SND1: variants seen among roughly 807,000 people sequenced by gnomAD.
The protein encoded by SND1 is staphylococcal nuclease and tudor domain containing 1.
In SND1, 38 loss-of-function variants were observed where a neutral mutation model predicts 121.7. The observed-to-expected ratio is 0.31, with a 90% CI of 0.24 to 0.41. SND1 has a LOEUF of 0.41. SND1 is among the 10% of genes least tolerant of loss of function. The probability of loss-of-function intolerance (pLI) is 1.00; values close to 1 mark genes in which losing one functional copy is unlikely to be tolerated. For missense variants in SND1, 868 were observed against 1,184.6 expected (o/e 0.73, Z 3.92); for synonymous variants, 401 against 447.4 (o/e 0.90, Z 1.31).
intron 3 of SND1, among the ~76,000 whole-genome samples, chr7:127,697,759 G>A (rs1796031277): frequency 6.6e-6 from 1 of 152,156 alleles, no homozygotes. Context: ...GCATGATAAT[G>A]GCGAGGCAAT....
intron 15 of SND1, among the ~76,000 whole-genome samples, chr7:127,971,771 ATTTT>A (rs200086577): frequency 1.4e-5 from 2 of 141,078 alleles, no homozygotes; most frequent in Non-Finnish European, 1.6e-5. Flanking sequence ...TGCTGAATTA[ATTTT>A]TTTTTTTTTT....
At chr7:127,717,310 G>C (rs1015932716) in intron 9 of SND1, among the ~76,000 whole-genome samples, 1 of 151,994 alleles carries the variant, frequency 6.6e-6, no homozygotes, top group Non-Finnish European at 1.5e-5. Context: ...ATTGCATTTA[G>C]TTGTCATATC....
chr7:127,881,383 G>A (rs117830246), intron 12 of SND1, among the ~76,000 whole-genome samples: 2,698 of 151,942 alleles, frequency 0.018, 37 homozygotes, highest in Non-Finnish European at 0.03. Context: ...TGATTTTTAG[G>A]GAACCTCCAG....
intron 16 of SND1, among the ~76,000 whole-genome samples, chr7:128,003,970 T>C (rs1326223459): frequency 6.6e-6 from 1 of 152,080 alleles, no homozygotes; most frequent in Non-Finnish European, 1.5e-5. Flanking sequence ...CAGGGTGCAC[T>C]TAACCACTTC....
chr7:127,779,133 T>TG (rs1052800147), intron 10 of SND1, among the ~76,000 whole-genome samples: 97 of 152,248 alleles, frequency 6.4e-4, no homozygotes, highest in African/African-American at 2.1e-3. Context: ...CATTGCACTA[T>TG]GGGGGGGATT....
At chr7:128,091,565 A>C (rs1427586746) in intron 22 of SND1, among the ~76,000 whole-genome samples, 1 of 152,140 alleles carries the variant, frequency 6.6e-6, no homozygotes, top group East Asian at 1.9e-4. Flanking sequence ...GAGATACTTT[A>C]TCACAGACTG....
Position 127,686,739 on chromosome 7 carries a change from G to A in SND1, c.205G>A (p.Asp69Asn), listed in dbSNP as rs759789377. Reference protein sequence around the residue: ...LARRAAATQPDAKDTPDEPWA... With the variant: ...LARRAAATQPNAKDTPDEPWA... Reference sequence around the variant, plus strand: ...TCGCCGGGCAGCCGCCACACAACCTGATGCAAAGGATACCCCTGATGAGGT... The same window carrying A: ...TCGCCGGGCAGCCGCCACACAACCTAATGCAAAGGATACCCCTGATGAGGT... Residue 69 changes from aspartate to asparagine, a missense_variant, in exon 2 of 24, where the codon GAT becomes AAT. Asp to Asn is a conservative substitution (Grantham distance 23). This residue lies in a region of SND1 where 125 missense variants were observed against 113.3 expected (regional missense o/e 1.10). Transcript: ENST00000354725. 1 of 1,614,024 alleles carries A rather than the reference G, an allele frequency of 6.2e-7. No individual in the cohort carries two copies.
chr7:127,971,479 T>G (rs1036086791), intron 15 of SND1, among the ~76,000 whole-genome samples: 2 of 152,166 alleles, frequency 1.3e-5, no homozygotes, highest in Non-Finnish European at 2.9e-5. Context: ...ACCACATAGA[T>G]CAGTTGTTGG....
chr7:128,044,624 T>TCC (rs1194647531), intron 16 of SND1, among the ~76,000 whole-genome samples: 2 of 52,380 alleles, frequency 3.8e-5, no homozygotes, highest in African/African-American at 1.6e-4. Context: ...CCCTCCCATC[T>TCC]CCCCCCCCAC....
chr7:127,832,598 T>G (rs1798781174), intron 11 of SND1, among the ~76,000 whole-genome samples: 1 of 152,228 alleles, frequency 6.6e-6, no homozygotes, highest in Admixed American at 6.5e-5. Flanking sequence ...TTTGTCAATT[T>G]TATAGGAAGT....
chr7:127,755,717 C>T (rs1797182742), intron 10 of SND1, among the ~76,000 whole-genome samples: 2 of 152,212 alleles, frequency 1.3e-5, no homozygotes, highest in South Asian at 2.1e-4. Flanking sequence ...CGTTTGAAAG[C>T]GGAAGCTGCC....
At chr7:127,685,064 G>A (rs1795789516) in intron 1 of SND1, among the ~76,000 whole-genome samples, 2 of 152,104 alleles carry the variant, frequency 1.3e-5, no homozygotes, top group Admixed American at 1.3e-4. Flanking sequence ...GTAGAGAGGG[G>A]CACATGGATT....
At chr7:127,959,988 C>T (rs1268533467) in intron 15 of SND1, among the ~76,000 whole-genome samples, 1 of 152,176 alleles carries the variant, frequency 6.6e-6, no homozygotes, top group Non-Finnish European at 1.5e-5. Context: ...CTCTGGTTCC[C>T]CTGTTGCCTC....
At chr7:127,953,405 A>G (rs975395038) in intron 15 of SND1, among the ~76,000 whole-genome samples, 1 of 151,730 alleles carries the variant, frequency 6.6e-6, no homozygotes, top group Admixed American at 6.6e-5. Flanking sequence ...AGTCTTTTTT[A>G]CTTTCAATCT....
Position 127,686,604 on chromosome 7 carries a change from C to A in SND1, c.79-9C>A, listed in dbSNP as rs747436352. ...GACCATTCATTTTCTCTTTCTTCCC[C>A]CTACGTAGGTCCTCTCAGGGTGCGC... On this transcript the variant is annotated splice_polypyrimidine_tract_variant and intron_variant, in intron 1 of 23. Transcript: ENST00000354725. 7.4e-6 allele frequency: 12 copies of A among 1,612,168 alleles called. No individual in the cohort carries two copies. Among genetic ancestry groups the A allele is most frequent in the Admixed American group, 3.3e-5 (2 of 59,956 alleles).
intron 16 of SND1, among the ~76,000 whole-genome samples, chr7:128,040,503 T>C (rs373560609): frequency 2.4e-5 from 3 of 123,660 alleles, no homozygotes; most frequent in East Asian, 4.7e-4. Context: ...AAAAGTGACA[T>C]GGTAAGACCT....
At chr7:127,929,815 C>T (rs1260341986) in intron 15 of SND1, among the ~76,000 whole-genome samples, 1 of 152,170 alleles carries the variant, frequency 6.6e-6, no homozygotes, top group Non-Finnish European at 1.5e-5. Flanking sequence ...AAACCCCAGC[C>T]ATGACGTTGC....
chr7:127,686,516 A>G (rs1377593872), intron 1 of SND1, 97 bp from the exon 2 acceptor site: 12 of 1,325,624 alleles, frequency 9.1e-6, no homozygotes, highest in African/African-American at 4.4e-5. Flanking sequence ...TGAAGTGCAA[A>G]TGCTATTTGA....
intron 10 of SND1, among the ~76,000 whole-genome samples, chr7:127,773,636 G>A (rs1797558946): frequency 6.6e-6 from 1 of 152,100 alleles, no homozygotes; most frequent in Admixed American, 6.5e-5. Context: ...GTATGTGGAA[G>A]AATAGATACT....
Sources: allele counts gnomAD v4.1 joint callset (sites outside exome capture counted in the v4.1 genomes callset), GRCh38; gene constraint gnomAD v4.1.1; regional missense constraint gnomAD v4.1.1; transcripts MANE v1.5; gene names NCBI Gene and HGNC (gene_info 2026-07-23, HGNC 2026-07-21).